CHRM5: variants seen among roughly 807,000 people sequenced by gnomAD.
The protein encoded by CHRM5 is muscarinic acetylcholine receptor M5.
In CHRM5, 18 loss-of-function variants were observed where a neutral mutation model predicts 39.0. The observed-to-expected ratio is 0.46, with a 90% CI of 0.32 to 0.68. The LOEUF is 0.68. Ranked by LOEUF, CHRM5 falls within the 30% of genes least tolerant of loss-of-function variation. The pLI, the probability that CHRM5 is intolerant of heterozygous loss-of-function variation, is 0.04. For synonymous variants in CHRM5, 241 were observed against 246.3 expected (o/e 0.98, Z 0.20); for missense variants, 515 against 651.1 (o/e 0.79, Z 2.28).
At chr15:34,042,097 T>G (rs1416466517) in intron 1 of CHRM5, among the ~76,000 whole-genome samples, 2 of 152,192 alleles carry the variant, frequency 1.3e-5, no homozygotes, top group Non-Finnish European at 2.9e-5. Flanking sequence ...CGTGTGATTC[T>G]GGTCCAAAAA....
At chr15:34,040,301 AG>A in intron 1 of CHRM5, among the ~76,000 whole-genome samples, 1 of 152,324 alleles carries the variant, frequency 6.6e-6, no homozygotes, top group Middle Eastern at 3.4e-3. Flanking sequence ...GGTCCAAAGA[AG>A]AAAAGTTAAA....
Position 34,063,446 on chromosome 15 carries a change from G to T in CHRM5, c.729G>T (p.Lys243Asn). 6.2e-7 allele frequency: 1 copy of T among 1,613,826 alleles called. No homozygotes were observed. Among genetic ancestry groups the T allele is most frequent in the Non-Finnish European group, 8.5e-7 (1 of 1,180,034 alleles). The change falls in exon 3 of 3, where the codon AAG becomes AAT. Residue 243 changes from lysine (K) to asparagine (N), a missense_variant. Lys to Asn is a moderately conservative substitution (Grantham distance 94). Transcript: ENST00000383263. The surrounding 1 kb of genome is among the most constrained non-coding windows in gnomAD (Gnocchi z 4.1). ...CTGTGACCAAAGCTGAGAAGAGAAA[G>T]CCAGCTCATAGGGCTCTGTTCAGAT... ...SDSVTKAEKR[K>N]PAHRALFRSC...
intron 2 of CHRM5, among the ~76,000 whole-genome samples, chr15:34,053,319 A>AAAAAATATATAT (rs775436850): frequency 2.4e-5 from 1 of 42,070 alleles, no homozygotes; most frequent in African/African-American, 8.0e-5. Flanking sequence ...AAAAAAAAAA[A>AAAAAATATATAT]ATATATATAT....
At chr15:33,993,178 A>C (rs536589032) in intron 1 of CHRM5, among the ~76,000 whole-genome samples, 6 of 152,336 alleles carry the variant, frequency 3.9e-5, no homozygotes, top group African/African-American at 1.4e-4. Context: ...GGGCAGAAGA[A>C]ATTTCTCATA....
chr15:34,043,431 T>C (rs369782890), intron 1 of CHRM5, among the ~76,000 whole-genome samples: 5 of 152,314 alleles, frequency 3.3e-5, no homozygotes, highest in African/African-American at 1.2e-4. Context: ...TAGTTTCTCG[T>C]GCTTAATATA....
chr15:34,035,771 TA>T (rs1271306263), intron 1 of CHRM5, among the ~76,000 whole-genome samples: 1 of 141,628 alleles, frequency 7.1e-6, no homozygotes, highest in Non-Finnish European at 1.6e-5. Context: ...GGGGCAGTGA[TA>T]GGGGGATTAT....
chr15:33,978,161 G>A (rs997248231), intron 1 of CHRM5, among the ~76,000 whole-genome samples: 1 of 152,126 alleles, frequency 6.6e-6, no homozygotes, highest in African/African-American at 2.4e-5. Flanking sequence ...AGTACATGAA[G>A]AAAGAGGAAA....
chr15:34,028,127 CTT>C (rs1006817456), intron 1 of CHRM5, among the ~76,000 whole-genome samples: 1 of 152,158 alleles, frequency 6.6e-6, no homozygotes, highest in Non-Finnish European at 1.5e-5. Flanking sequence ...AGCTGGGAGA[CTT>C]CATGCTTCAA....
At chr15:34,034,265 A>G (rs1899007395) in intron 1 of CHRM5, among the ~76,000 whole-genome samples, 2 of 152,100 alleles carry the variant, frequency 1.3e-5, no homozygotes, top group African/African-American at 4.8e-5. Flanking sequence ...CAAGACAGTG[A>G]GACCATGTCT....
intron 1 of CHRM5, among the ~76,000 whole-genome samples, chr15:33,973,045 T>C (rs1427697275): frequency 6.6e-6 from 1 of 152,232 alleles, no homozygotes; most frequent in Non-Finnish European, 1.5e-5. Flanking sequence ...TATTCAGCAG[T>C]TGTTTAAAGA....
In CHRM5 at chr15:33,968,736, AAGC is replaced by A. The variant is rs554703851; in HGVS notation, c.-818_-816del. On this transcript the variant is annotated 5_prime_UTR_variant, in exon 1 of 3. Transcript: ENST00000383263. ...CTTCTAGTCCAGATAATGTTTTTTA[AAGC>A]AGCTTGATTTGGAAGCGTGTGTAAT... The A allele has an allele frequency of 3.0e-4, 45 of 152,298 alleles. No individual in the cohort carries two copies. Among genetic ancestry groups the A allele is most frequent in the African/African-American group, 1.1e-3 (45 of 41,580 alleles). The allele number at this position is 152,298 out of a possible 1,614,324, so 9.4% of individuals were successfully genotyped here. A position where few individuals can be genotyped will look rare whatever the true frequency, so the allele number is the denominator to read the frequency against.
At chr15:33,988,787 C>G (rs960364383) in intron 1 of CHRM5, among the ~76,000 whole-genome samples, 3 of 152,212 alleles carry the variant, frequency 2.0e-5, no homozygotes, top group African/African-American at 7.2e-5. Context: ...CTTGCTCTAT[C>G]CCATGCAGCA....
chr15:34,038,949 G>T lies in CHRM5; in HGVS notation c.-407-7591G>T. The T allele has an allele frequency of 1.5e-5, 16 of 1,102,534 alleles. No individual in the cohort carries two copies. The highest frequency in any genetic ancestry group is 1.6e-5 in the Non-Finnish European group (15 of 910,842). 68.3% of individuals were successfully genotyped at this position (1,102,534 alleles called of 1,614,324 possible). On this transcript the variant is annotated intron_variant, in intron 1 of 2. Coordinates refer to ENST00000383263, the MANE Select transcript of CHRM5 (RefSeq NM_012125.4). ...TCCGCCGCCGCCTCTGGCTACCGCCGCTGCGGCTCCGGGCCGCTCGCTGTG... is the reference window on the plus strand; with the variant it reads ...TCCGCCGCCGCCTCTGGCTACCGCCTCTGCGGCTCCGGGCCGCTCGCTGTG...
intron 1 of CHRM5, among the ~76,000 whole-genome samples, chr15:34,046,134 AC>A (rs781661970): frequency 8.5e-5 from 13 of 152,330 alleles, no homozygotes; most frequent in South Asian, 8.3e-4. Flanking sequence ...AAAATAAGTT[AC>A]CCTTTCAAAA....
intron 1 of CHRM5, among the ~76,000 whole-genome samples, chr15:34,018,843 A>G (rs928514663): frequency 9.3e-5 from 13 of 139,724 alleles, no homozygotes; most frequent in African/African-American, 3.4e-4. Flanking sequence ...TGATTGGTGC[A>G]TTTTTACAGA....
In CHRM5 at chr15:34,064,143, C is replaced by T. The variant is rs1900446340; in HGVS notation, c.1426C>T (p.Leu476=). ...TFCDKCVPVT[L]WHLGYWLCYV... Reference sequence around the variant, plus strand: ...CTGTGACAAGTGTGTCCCAGTCACCCTGTGGCACTTGGGCTATTGGTTGTG... The same window carrying T: ...CTGTGACAAGTGTGTCCCAGTCACCTTGTGGCACTTGGGCTATTGGTTGTG... Residue 476 remains leucine (L), a synonymous_variant, in exon 3 of 3, where the codon CTG becomes TTG. Coordinates refer to ENST00000383263, the MANE Select transcript of CHRM5 (RefSeq NM_012125.4). 4 of 1,614,080 alleles carry T rather than the reference C, an allele frequency of 2.5e-6. No homozygotes were observed. In the African/African-American group the frequency reaches 5.3e-5, roughly 22 times the overall value.
At chr15:33,999,946 G>A (rs909285821) in intron 1 of CHRM5, among the ~76,000 whole-genome samples, 2 of 152,034 alleles carry the variant, frequency 1.3e-5, no homozygotes, top group Non-Finnish European at 2.9e-5. Context: ...ACAATACTAC[G>A]CGATCTGGCT....
rs560450447 is a variant in CHRM5, at chr15:33,968,603, A to G, written c.-955A>G. 6.6e-6 allele frequency: 1 copy of G among 152,208 alleles called. No individual in the cohort carries two copies. Among genetic ancestry groups the G allele is most frequent in the East Asian group, 1.9e-4 (1 of 5,192 alleles). 9.4% of individuals were successfully genotyped at this position (152,208 alleles called of 1,614,324 possible). On this transcript the variant is annotated 5_prime_UTR_variant, in exon 1 of 3. Transcript: ENST00000383263. ...CAGGGTACCAGAAGCATGGGTTACA[A>G]AAGCATGAGGAGGACAGAAGAAATG...
At chr15:34,047,515 C>A (rs1899753090) in intron 2 of CHRM5, among the ~76,000 whole-genome samples, 2 of 152,178 alleles carry the variant, frequency 1.3e-5, no homozygotes, top group Non-Finnish European at 1.5e-5. Flanking sequence ...CCTGGCACCT[C>A]ACAAGATAAG....
Sources: allele counts gnomAD v4.1 joint callset (sites outside exome capture counted in the v4.1 genomes callset), GRCh38; gene constraint gnomAD v4.1.1; non-coding constraint Gnocchi (gnomAD v3.1); transcripts MANE v1.5; gene names NCBI Gene and HGNC (gene_info 2026-07-23, HGNC 2026-07-21).